Variants in TMEM9 observed in about 807,000 individuals in gnomAD.
The protein encoded by TMEM9 is transmembrane protein 9.
A neutral mutation model predicts 22.8 loss-of-function variants in TMEM9; 13 were observed. The ratio of observed to expected loss-of-function variants is 0.57; its 90% CI spans 0.37 to 0.91. The LOEUF is 0.91. TMEM9 is among the 40% of genes least tolerant of loss of function. The probability of loss-of-function intolerance (pLI) is 0.01; values close to 1 mark genes in which losing one functional copy is unlikely to be tolerated. For missense variants in TMEM9, 182 were observed against 238.1 expected (o/e 0.76, Z 1.55); for synonymous variants, 88 against 93.0 (o/e 0.95, Z 0.31).
chr1:201,152,651 A>G (rs990570716), intron 1 of TMEM9, among the ~76,000 whole-genome samples: 3 of 152,230 alleles, frequency 2.0e-5, no homozygotes, highest in African/African-American at 7.2e-5. Context: ...ATGTAATTTG[A>G]TTCTCCCTAA....
At chr1:201,160,425 A>G (rs953624618) in intron 1 of TMEM9, among the ~76,000 whole-genome samples, 2 of 151,874 alleles carry the variant, frequency 1.3e-5, no homozygotes, top group African/African-American at 4.8e-5. Flanking sequence ...CCCTGTCTCT[A>G]CTAAAAATAC....
chr1:201,148,838 TC>T (rs1665202385), intron 2 of TMEM9, among the ~76,000 whole-genome samples: 1 of 152,244 alleles, frequency 6.6e-6, no homozygotes, highest in African/African-American at 2.4e-5. Flanking sequence ...TGAGCAGGTC[TC>T]CCCTGTTGTA....
chr1:201,164,364 G>A (rs968250543), intron 1 of TMEM9, among the ~76,000 whole-genome samples: 4 of 152,132 alleles, frequency 2.6e-5, no homozygotes, highest in Non-Finnish European at 5.9e-5. Flanking sequence ...TGTTATAAGT[G>A]ATCTTTGTAT....
upstream of TMEM9, among the ~76,000 whole-genome samples, chr1:201,158,159 G>A (rs532576829): frequency 7.0e-4 from 106 of 152,294 alleles, no homozygotes; most frequent in Admixed American, 3.6e-3. Context: ...GACTGTGGGT[G>A]CTGCAGAAGC....
intron 2 of TMEM9, among the ~76,000 whole-genome samples, chr1:201,147,533 G>A (rs1344105647): frequency 3.3e-5 from 5 of 152,162 alleles, no homozygotes; most frequent in Non-Finnish European, 7.3e-5. Flanking sequence ...TGTCTTAGCT[G>A]AGGCCCTCAT....
At chr1:201,168,906 C>A (rs1829997) in intron 1 of TMEM9, among the ~76,000 whole-genome samples, 4 of 150,936 alleles carry the variant, frequency 2.7e-5, no homozygotes, top group South Asian at 4.2e-4. Context: ...ATCCTCCCAC[C>A]TTAGTCTCCC....
In TMEM9 at chr1:201,143,920, C is replaced by G; in HGVS notation, c.299G>C (p.Gly100Ala). Reference sequence around the variant, plus strand: ...GAAGGCCATGTAGAGCAACAGGGCACCCACCACGGACAGGTAGATGACAAT... The same window carrying G: ...GAAGGCCATGTAGAGCAACAGGGCAGCCACCACGGACAGGTAGATGACAAT... ...VIIVIYLSVV[G>A]ALLLYMAFLM... The change falls in exon 4 of 5, where the codon GGT becomes GCT. Residue 100 changes from glycine (G) to alanine (A), a missense_variant. Coordinates refer to ENST00000367330, the MANE Select transcript of TMEM9 (RefSeq NM_001288565.2). 6.2e-7 allele frequency: 1 copy of G among 1,614,130 alleles called. No homozygotes were observed. The highest frequency in any genetic ancestry group is 8.5e-7 in the Non-Finnish European group (1 of 1,180,000).
chr1:201,168,905 C>T lies in TMEM9; in HGVS notation c.-37+2585G>A, dbSNP rs777399766. ...CTCTTGGGCTCAAGTGATCCTCCCA[C>T]CTTAGTCTCCCAAGTAGCTGGGACT... is the stretch of plus-strand genomic sequence containing the variant. On this transcript the variant is annotated intron_variant, in intron 1 of 5. Coordinates refer to the TMEM9 transcript ENST00000367333. Among the ~76,000 whole-genome samples, 164 of 151,542 alleles carry T rather than the reference C, an allele frequency of 1.1e-3. 1 individual carries two copies. Among genetic ancestry groups the T allele is most frequent in the Non-Finnish European group, 2.1e-3 (146 of 67,962 alleles).
At chr1:201,170,877 C>CG (rs934078089) in intron 1 of TMEM9, among the ~76,000 whole-genome samples, 2 of 152,226 alleles carry the variant, frequency 1.3e-5, no homozygotes, top group African/African-American at 4.8e-5. Context: ...GTCTCCACCC[C>CG]GGGAGGCTCC....
chr1:201,140,707 G>A (rs577465996), intron 4 of TMEM9, among the ~76,000 whole-genome samples: 1 of 152,308 alleles, frequency 6.6e-6, no homozygotes, highest in Admixed American at 6.5e-5. Flanking sequence ...CTGGGGCGTA[G>A]GGCCTGAAAG....
intron 2 of TMEM9, among the ~76,000 whole-genome samples, chr1:201,150,219 T>C (rs1198794915): frequency 6.6e-6 from 1 of 152,202 alleles, no homozygotes; most frequent in Non-Finnish European, 1.5e-5. Context: ...ACTGATGCTA[T>C]TTGAACTATA....
intron 1 of TMEM9, among the ~76,000 whole-genome samples, chr1:201,168,899 C>T (rs2102298453): frequency 6.6e-6 from 1 of 151,992 alleles, no homozygotes; most frequent in East Asian, 1.9e-4. Context: ...TCAAGTGATC[C>T]TCCCACCTTA....
At chr1:201,138,903 A>G (rs28533704) in intron 4 of TMEM9, among the ~76,000 whole-genome samples, 2 of 152,202 alleles carry the variant, frequency 1.3e-5, no homozygotes, top group Admixed American at 1.3e-4. Flanking sequence ...TTCTCCTAAG[A>G]GGGAGCCAGC....
intron 4 of TMEM9, among the ~76,000 whole-genome samples, chr1:201,136,243 GGACTT>G (rs1663973424): frequency 6.6e-6 from 1 of 152,210 alleles, no homozygotes; most frequent in African/African-American, 2.4e-5. Flanking sequence ...CTTAGGCAGA[GGACTT>G]GATGACATCT....
chr1:201,152,745 C>T (rs747327295), intron 1 of TMEM9, among the ~76,000 whole-genome samples: 1 of 152,204 alleles, frequency 6.6e-6, no homozygotes, highest in African/African-American at 2.4e-5. Flanking sequence ...CAATCTAAAA[C>T]TTGTTAAGCA....
At chr1:201,143,777 C>T (rs779628858) in intron 4 of TMEM9, 43 bp downstream of exon 4, 7 of 1,607,964 alleles carry the variant, frequency 4.4e-6, no homozygotes, top group Non-Finnish European at 6.0e-6. Flanking sequence ...CCTGGGGACG[C>T]ACATGCAGGG....
At chr1:201,143,422 A>C (rs1664695853) in intron 4 of TMEM9, among the ~76,000 whole-genome samples, 1 of 152,180 alleles carries the variant, frequency 6.6e-6, no homozygotes, top group Non-Finnish European at 1.5e-5. Flanking sequence ...TGTTCAACAG[A>C]TGTTTGTGGA....
intron 4 of TMEM9, among the ~76,000 whole-genome samples, chr1:201,139,501 C>T (rs1396013323): frequency 6.6e-6 from 1 of 152,150 alleles, no homozygotes; most frequent in African/African-American, 2.4e-5. Context: ...CCCAAAAACC[C>T]CAGCTGGGAC....
chr1:201,171,307 C>T (rs1666204815), intron 1 of TMEM9, among the ~76,000 whole-genome samples: 1 of 152,160 alleles, frequency 6.6e-6, no homozygotes, highest in South Asian at 2.1e-4. Context: ...GGACCCACCG[C>T]GGGGGTGCAC....
Sources: gnomAD v4.1 joint callset for allele counts (sites outside exome capture counted in the v4.1 genomes callset) on GRCh38, gnomAD v4.1.1 for gene constraint, MANE v1.5 for transcripts, NCBI Gene and HGNC (gene_info 2026-07-23, HGNC 2026-07-21) for gene names.